Variants in C5orf47 observed in about 807,000 individuals in gnomAD.
C5orf47 encodes uncharacterized protein C5orf47.
Under a neutral mutation model 20.6 loss-of-function variants are expected in C5orf47, and 20 were observed. That is an observed-to-expected ratio of 0.97 (90% CI 0.68 to 1.41). The LOEUF (loss-of-function observed/expected upper bound fraction) is 1.41, where lower values mean the gene tolerates loss of function less well. Ranked by LOEUF, C5orf47 falls within the 40% of genes most tolerant of loss-of-function variation. C5orf47 has a pLI of 0.00. For synonymous variants in C5orf47, 106 were observed against 97.3 expected (o/e 1.09, Z -0.53); for missense variants, 262 against 238.4 (o/e 1.10, Z -0.65).
downstream of C5orf47, among the ~76,000 whole-genome samples, chr5:174,007,300 G>C (rs1246968672): frequency 6.6e-6 from 1 of 152,144 alleles, no homozygotes; most frequent in Non-Finnish European, 1.5e-5. Flanking sequence ...CTGTGGAATG[G>C]GAGGAGGGTG....
intron 1 of C5orf47, among the ~76,000 whole-genome samples, chr5:173,995,667 C>T (rs1759076090): frequency 1.3e-5 from 2 of 152,198 alleles, no homozygotes; most frequent in Admixed American, 1.3e-4. Flanking sequence ...TAAATGCTGG[C>T]ACATTGAACA....
At chr5:174,007,684 A>C (rs1165814652), downstream of C5orf47, among the ~76,000 whole-genome samples, 1 of 151,452 alleles carries the variant, frequency 6.6e-6, no homozygotes, top group Non-Finnish European at 1.5e-5. Flanking sequence ...CAGCCTCCTG[A>C]GTAGCTGGGA....
chr5:173,998,329 A>G, intron 2 of C5orf47, 91 bp downstream of exon 2: 1 of 654,044 alleles, frequency 1.5e-6, no homozygotes, highest in Non-Finnish European at 2.6e-6. Context: ...GACAGTGAAA[A>G]TAGTACCATC....
At chr5:173,999,877 C>A in intron 3 of C5orf47, 78 bp downstream of exon 3, 2 of 693,130 alleles carry the variant, frequency 2.9e-6, no homozygotes, top group Non-Finnish European at 4.8e-6. Context: ...TGCATGAGAT[C>A]AGTAGTTTTC....
rs182971695 is a variant in C5orf47 at position 174,000,446 on chromosome 5, G to A, written c.511+647G>A. The stretch of plus-strand genomic sequence containing the variant: ...AAATTTATGTAACTAATAATGCAAT[G>A]TGAATTGATAAATCACAAGTTATTT... On this transcript the variant is annotated intron_variant, in intron 3 of 4. Transcript: ENST00000340147. Among the ~76,000 whole-genome samples, 519 of 152,232 alleles carry A rather than the reference G, an allele frequency of 3.4e-3. 2 individuals are homozygous for A. The highest frequency in any genetic ancestry group is 6.2e-3 in the Non-Finnish European group (421 of 67,984).
chr5:173,990,279 CTTT>C (rs534896300), intron 1 of C5orf47, among the ~76,000 whole-genome samples: 1 of 38,356 alleles, frequency 2.6e-5, no homozygotes, highest in African/African-American at 1.2e-4. Flanking sequence ...TGCCCAGCTA[CTTT>C]TTTTATCTTT....
At chr5:174,006,963 G>T (rs1317177306), downstream of C5orf47, among the ~76,000 whole-genome samples, 1 of 152,152 alleles carries the variant, frequency 6.6e-6, no homozygotes, top group Non-Finnish European at 1.5e-5. Flanking sequence ...GGATTTTAAG[G>T]CAGGTGTGTT....
chr5:173,998,217 A>T lies in C5orf47; in HGVS notation c.390A>T (p.Lys130Asn), dbSNP rs1759133656. The T allele has an allele frequency of 6.5e-7, 1 of 1,535,008 alleles. No individual in the cohort carries two copies. Among genetic ancestry groups the T allele is most frequent in the Admixed American group, 2.0e-5 (1 of 48,878 alleles). ...DFPIPLNEAS[K>N]IMKKKKKVLV... ...CCATACCATTGAATGAAGCTTCCAA[A>T]ATAATGAAGAAAAAGAAAAAGGTAT... The change falls in exon 2 of 5, where the codon AAA becomes AAT. Residue 130 changes from lysine (K) to asparagine (N), a missense_variant. Coordinates refer to ENST00000340147, the MANE Select transcript of C5orf47 (RefSeq NM_001144954.2).
At chr5:173,994,195 C>T (rs550548952) in intron 1 of C5orf47, among the ~76,000 whole-genome samples, 1 of 152,276 alleles carries the variant, frequency 6.6e-6, no homozygotes, top group East Asian at 1.9e-4. Context: ...GAATGCAGAC[C>T]TTACTGTTGA....
Position 173,989,244 on chromosome 5 carries a change from TGCC to T in C5orf47, c.-18_-16del. On this transcript the variant is annotated 5_prime_UTR_variant, in exon 1 of 5. Transcript: ENST00000340147. ...GCGTCGTGTTTGCTGAGGGCCCGGC[TGCC>T]GTTGACTGAGGCTGCGATGGCGGCG... 1 of 1,374,154 alleles carries T rather than the reference TGCC, an allele frequency of 7.3e-7. No individual in the cohort carries two copies. Among genetic ancestry groups the T allele is most frequent in the Non-Finnish European group, 9.4e-7 (1 of 1,063,282 alleles). The allele number at this position is 1,374,154 out of a possible 1,614,324, so 85.1% of individuals were successfully genotyped here. A position where few individuals can be genotyped will look rare whatever the true frequency, so the allele number is the denominator to read the frequency against.
At chr5:174,002,222 A>G (rs1759211795) in intron 4 of C5orf47, among the ~76,000 whole-genome samples, 1 of 152,036 alleles carries the variant, frequency 6.6e-6, no homozygotes, top group African/African-American at 2.4e-5. Context: ...CAGCTTTCCA[A>G]AGTGTTGGAA....
Position 174,001,102 on chromosome 5 carries a change from A to G in C5orf47, c.512-94A>G, listed in dbSNP as rs2113372070. On this transcript the variant is annotated intron_variant, in intron 3 of 4. Transcript: ENST00000340147. ...AACTAATAATTATGTTTAAAAATGTATTATAACTTGTATTCCATAATGTAT... is the reference window on the plus strand; with the variant it reads ...AACTAATAATTATGTTTAAAAATGTGTTATAACTTGTATTCCATAATGTAT... 5 of 765,888 alleles carry G rather than the reference A, an allele frequency of 6.5e-6. No individual in the cohort carries two copies. The South Asian group carries it at 8.5e-5, about 13-fold the overall frequency. 47.4% of individuals were successfully genotyped at this position (765,888 alleles called of 1,614,324 possible).
chr5:174,000,160 A>T (rs974069924), intron 3 of C5orf47, among the ~76,000 whole-genome samples: 3 of 152,162 alleles, frequency 2.0e-5, no homozygotes, highest in Non-Finnish European at 4.4e-5. Context: ...TAACTGCAAT[A>T]TAAAATTATA....
At chr5:173,997,978 G>C (rs1233235579) in intron 1 of C5orf47, among the ~76,000 whole-genome samples, 175 bp from the exon 2 acceptor site, 5 of 152,046 alleles carry the variant, frequency 3.3e-5, no homozygotes, top group African/African-American at 1.2e-4. Flanking sequence ...AGTTTTCTTG[G>C]TTGTTTTCAA....
chr5:173,994,406 C>G (rs561752560), intron 1 of C5orf47, among the ~76,000 whole-genome samples: 1 of 152,092 alleles, frequency 6.6e-6, no homozygotes, highest in African/African-American at 2.4e-5. Context: ...TCAGTCCAGC[C>G]GCTCCCACCT....
At chr5:173,990,873 G>A (rs992114413) in intron 1 of C5orf47, among the ~76,000 whole-genome samples, 14 of 151,910 alleles carry the variant, frequency 9.2e-5, no homozygotes, top group African/African-American at 3.2e-4. Context: ...TTGTACTTAC[G>A]GAATAACAGC....
intron 1 of C5orf47, among the ~76,000 whole-genome samples, chr5:173,989,983 CTTCAA>C (rs944595536): frequency 1.3e-5 from 2 of 152,278 alleles, no homozygotes; most frequent in Admixed American, 6.5e-5. Flanking sequence ...CAGGAAATGT[CTTCAA>C]TTCAAAAATT....
chr5:174,001,453 C>G (rs1759195168), intron 4 of C5orf47, among the ~76,000 whole-genome samples: 1 of 152,006 alleles, frequency 6.6e-6, no homozygotes, highest in Non-Finnish European at 1.5e-5. Context: ...TAGAAATTCT[C>G]TCTCTGTACT....
In C5orf47 at chr5:173,989,227, T is replaced by A; in HGVS notation, c.-37T>A. 4 of 1,364,844 alleles carry A rather than the reference T, an allele frequency of 2.9e-6. No individual in the cohort carries two copies. Among genetic ancestry groups the A allele is most frequent in the Non-Finnish European group, 3.8e-6 (4 of 1,059,486 alleles). 84.5% of individuals were successfully genotyped at this position (1,364,844 alleles called of 1,614,324 possible). A position where few individuals can be genotyped will look rare whatever the true frequency, so the allele number is the denominator to read the frequency against. ...GCAGTCTGGCGCCTGTGGCGTCGTG[T>A]TTGCTGAGGGCCCGGCTGCCGTTGA... On this transcript the variant is annotated 5_prime_UTR_variant, in exon 1 of 5. Coordinates refer to ENST00000340147, the MANE Select transcript of C5orf47 (RefSeq NM_001144954.2).
Sources: allele counts gnomAD v4.1 joint callset (sites outside exome capture counted in the v4.1 genomes callset), GRCh38; gene constraint gnomAD v4.1.1; transcripts MANE v1.5; gene names NCBI Gene and HGNC (gene_info 2026-07-23, HGNC 2026-07-21).